LRP1B: variants seen among roughly 807,000 people sequenced by gnomAD.
LRP1B encodes LDL receptor related protein 1B.
Under a neutral mutation model 556.6 loss-of-function variants are expected in LRP1B, and 217 were observed. That is an observed-to-expected ratio of 0.39 (90% CI 0.35 to 0.44). The LOEUF (loss-of-function observed/expected upper bound fraction) is 0.44, where lower values mean the gene tolerates loss of function less well. Among genes scored for constraint, LRP1B ranks in the 20% least tolerant of loss-of-function variants. The pLI is 1.00. For missense variants in LRP1B, 5,053 were observed against 5,620.8 expected, an observed-to-expected ratio of 0.90 and a Z score of 3.23; for synonymous variants, 2,047 against 1,865.8, an observed-to-expected ratio of 1.10 and a Z score of -2.50.
chr2:140,464,804 A>C (rs567837781), intron 60 of LRP1B, among the ~76,000 whole-genome samples: 1 of 152,330 alleles, frequency 6.6e-6, no homozygotes, highest in African/African-American at 2.4e-5. Context: ...GAGAGTCTTA[A>C]TAAAAACTGA....
rs146734655 is a variant in LRP1B, at chr2:142,032,265, T to C, written c.82+98383A>G. ...CCTGTTTTTTCTTCCTGTTTGAGTG[T>C]ATGTGTTAATCCCTCTATCCCATGC... is the stretch of plus-strand genomic sequence containing the variant. On this transcript the variant is annotated intron_variant, in intron 1 of 90. Coordinates refer to ENST00000389484, the MANE Select transcript of LRP1B (RefSeq NM_018557.3). Among the ~76,000 whole-genome samples, 763 of 151,968 alleles carry C rather than the reference T, an allele frequency of 5.0e-3. 6 individuals are homozygous for C. Among genetic ancestry groups the C allele is most frequent in the African/African-American group, 0.017 (714 of 41,512 alleles).
chr2:141,159,514 A>C (rs1159272365), intron 7 of LRP1B, among the ~76,000 whole-genome samples: 2 of 152,086 alleles, frequency 1.3e-5, no homozygotes, highest in Non-Finnish European at 2.9e-5. Context: ...CTACAGGTGC[A>C]CACAACTGCA....
At chr2:141,176,495 T>C (rs761360024) in intron 7 of LRP1B, among the ~76,000 whole-genome samples, 2 of 152,056 alleles carry the variant, frequency 1.3e-5, no homozygotes, top group Non-Finnish European at 2.9e-5. Context: ...GGTCACATGA[T>C]GACCTTCCCC....
intron 84 of LRP1B, among the ~76,000 whole-genome samples, chr2:140,285,563 T>G (rs1390416217): frequency 6.6e-6 from 1 of 151,662 alleles, no homozygotes; most frequent in Non-Finnish European, 1.5e-5. Context: ...CCTGGTTAAC[T>G]GTGCCATTTC....
intron 2 of LRP1B, among the ~76,000 whole-genome samples, chr2:141,602,443 TATTTAG>T (rs1384388676): frequency 1.3e-5 from 2 of 152,204 alleles, no homozygotes; most frequent in Admixed American, 1.3e-4. Context: ...CAGGCAAAGA[TATTTAG>T]AAAGTAATTT....
In LRP1B at chr2:141,874,545, C is replaced by A. The variant is rs115644419; in HGVS notation, c.83-64144G>T. On this transcript the variant is annotated intron_variant, in intron 1 of 90. Coordinates refer to ENST00000389484, the MANE Select transcript of LRP1B (RefSeq NM_018557.3). Reference sequence around the variant, plus strand: ...TTTATAAAAACAATTCCCTCTCTGCCAAAACAATCCCTGGAATTGATTTTG... The same window carrying A: ...TTTATAAAAACAATTCCCTCTCTGCAAAAACAATCCCTGGAATTGATTTTG... Among the ~76,000 whole-genome samples, 634 of 151,858 alleles carry A rather than the reference C, an allele frequency of 4.2e-3. 6 individuals are homozygous for A. Among genetic ancestry groups the A allele is most frequent in the African/African-American group, 0.014 (595 of 41,468 alleles).
At chr2:140,341,670 G>C (rs1470255874) in intron 77 of LRP1B, among the ~76,000 whole-genome samples, 1 of 151,394 alleles carries the variant, frequency 6.6e-6, no homozygotes, top group Non-Finnish European at 1.5e-5. Flanking sequence ...GCCTATGTAT[G>C]GCTGGAACAA....
intron 6 of LRP1B, among the ~76,000 whole-genome samples, chr2:141,217,551 A>C (rs1253517700): frequency 6.6e-6 from 1 of 152,180 alleles, no homozygotes; most frequent in Middle Eastern, 3.2e-3. Context: ...AAAAAATGAA[A>C]TTTGACCTCT....
intron 35 of LRP1B, among the ~76,000 whole-genome samples, chr2:140,768,560 G>A (rs182653131): frequency 6.2e-4 from 94 of 151,888 alleles, no homozygotes; most frequent in South Asian, 4.8e-3. Flanking sequence ...AGCAATTAGC[G>A]CCAAAAAACT....
At chr2:140,916,085 C>T (rs1166531334) in intron 21 of LRP1B, among the ~76,000 whole-genome samples, 2 of 151,898 alleles carry the variant, frequency 1.3e-5, no homozygotes, top group Non-Finnish European at 1.5e-5. Context: ...ATATAGGAGG[C>T]TCATAAAAAG....
intron 60 of LRP1B, among the ~76,000 whole-genome samples, chr2:140,465,806 C>A (rs1049555204): frequency 6.6e-6 from 1 of 151,504 alleles, no homozygotes; most frequent in African/African-American, 2.4e-5. Flanking sequence ...ATGATTGACA[C>A]TGAAATTCTA....
intron 79 of LRP1B, among the ~76,000 whole-genome samples, chr2:140,332,291 CTG>C (rs1680854533): frequency 6.6e-6 from 1 of 151,352 alleles, no homozygotes; most frequent in Non-Finnish European, 1.5e-5. Context: ...AACTACAATT[CTG>C]CATATGCCTC....
rs755036989 is a variant in LRP1B, at chr2:140,325,733, A to C, written c.12340+29T>G. ...GTATTTAACACTCTCAGTAACAATT[A>C]AAAATGAAGACAAAAGCACTTCACA... is the stretch of plus-strand genomic sequence containing the variant. On this transcript the variant is annotated intron_variant, in intron 80 of 90. Coordinates refer to ENST00000389484, the MANE Select transcript of LRP1B (RefSeq NM_018557.3). 9 of 1,435,100 alleles carry C rather than the reference A, an allele frequency of 6.3e-6. No homozygotes were observed. The African/African-American group carries it at 1.1e-4, about 18-fold the overall frequency. The allele number at this position is 1,435,100 out of a possible 1,614,324, so 88.9% of individuals were successfully genotyped here.
At chr2:141,273,802 GA>G (rs1685180392) in intron 3 of LRP1B, among the ~76,000 whole-genome samples, 1 of 152,140 alleles carries the variant, frequency 6.6e-6, no homozygotes, top group Non-Finnish European at 1.5e-5. Flanking sequence ...TACAATGCGA[GA>G]AAACATTTTC....
intron 1 of LRP1B, among the ~76,000 whole-genome samples, chr2:141,878,493 T>A (rs1162913164): frequency 6.0e-5 from 9 of 149,498 alleles, no homozygotes; most frequent in African/African-American, 1.7e-4. Flanking sequence ...AATCAAAGAG[T>A]TGATAGGCAA....
At chr2:141,890,215 A>G (rs7602677) in intron 1 of LRP1B, among the ~76,000 whole-genome samples, 42,415 of 150,654 alleles carry the variant, frequency 0.28, 7,022 homozygotes, top group East Asian at 0.47. Context: ...TCCTGAAAAC[A>G]TTACTCCACT....
intron 1 of LRP1B, among the ~76,000 whole-genome samples, chr2:142,024,475 G>A (rs1703440338): frequency 6.6e-6 from 1 of 152,156 alleles, no homozygotes; most frequent in East Asian, 1.9e-4. Flanking sequence ...AGGTGATGCT[G>A]AGGCTGTTGG....
intron 21 of LRP1B, 84 bp from the exon 22 acceptor site, chr2:140,908,161 A>T: frequency 9.6e-7 from 1 of 1,043,900 alleles, no homozygotes; most frequent in Non-Finnish European, 1.5e-6. Flanking sequence ...CTTCAGTCAC[A>T]GGCAGAATTA....
intron 15 of LRP1B, among the ~76,000 whole-genome samples, chr2:140,996,712 C>T (rs979819217): frequency 6.6e-6 from 1 of 151,934 alleles, no homozygotes; most frequent in African/African-American, 2.4e-5. Flanking sequence ...ACTGGCTAAG[C>T]AGCTAATTCT....
Sources: gnomAD v4.1 joint callset for allele counts (sites outside exome capture counted in the v4.1 genomes callset) on GRCh38, gnomAD v4.1.1 for gene constraint, MANE v1.5 for transcripts, NCBI Gene and HGNC (gene_info 2026-07-23, HGNC 2026-07-21) for gene names.